The following ZMAT4 variants were observed in gnomAD, a reference collection of about 807,000 sequenced individuals.
ZMAT4 encodes the protein zinc finger matrin-type protein 4.
In ZMAT4, 17 loss-of-function variants were observed where a neutral mutation model predicts 28.7. The observed-to-expected ratio is 0.59, with a 90% confidence interval of 0.41 to 0.89. ZMAT4 has a LOEUF of 0.89. Ranked by LOEUF, ZMAT4 falls within the 40% of genes least tolerant of loss-of-function variation. The pLI is 0.00. For missense variants in ZMAT4, 240 were observed against 283.8 expected (o/e 0.85, Z 1.11); for synonymous variants, 117 against 109.2 (o/e 1.07, Z -0.44).
intron 3 of ZMAT4, among the ~76,000 whole-genome samples, chr8:40,722,854 A>T (rs1446229394): frequency 2.0e-5 from 3 of 152,144 alleles, no homozygotes; most frequent in Non-Finnish European, 4.4e-5. Flanking sequence ...TCCACCTGTG[A>T]GCGTCCACAT....
intron 2 of ZMAT4, among the ~76,000 whole-genome samples, chr8:40,783,413 C>A (rs1315952755): frequency 6.6e-6 from 1 of 152,116 alleles, no homozygotes; most frequent in Non-Finnish European, 1.5e-5. Flanking sequence ...GGAGAATAGG[C>A]ACAGACTTTG....
chr8:40,880,470 T>C (rs778301752), intron 1 of ZMAT4, among the ~76,000 whole-genome samples: 1 of 152,252 alleles, frequency 6.6e-6, no homozygotes, highest in Non-Finnish European at 1.5e-5. Context: ...CTGAGCAATG[T>C]CATCTTTAAC....
chr8:40,853,348 A>G (rs1418543191), intron 1 of ZMAT4, among the ~76,000 whole-genome samples: 1 of 152,162 alleles, frequency 6.6e-6, no homozygotes, highest in Non-Finnish European at 1.5e-5. Context: ...TGAGGTCAGG[A>G]GTTCGAGACC....
chr8:40,809,309 A>C (rs1815224509), intron 2 of ZMAT4, among the ~76,000 whole-genome samples: 1 of 152,100 alleles, frequency 6.6e-6, no homozygotes, highest in South Asian at 2.1e-4. Flanking sequence ...ATCAACAGAC[A>C]CTGCTGACTA....
intron 3 of ZMAT4, among the ~76,000 whole-genome samples, chr8:40,762,032 C>T (rs1396094282): frequency 6.6e-6 from 1 of 152,192 alleles, no homozygotes; most frequent in Non-Finnish European, 1.5e-5. Flanking sequence ...GCCAAACACA[C>T]AGCACTTGTT....
chr8:40,834,304 C>A (rs1487083632), intron 1 of ZMAT4, among the ~76,000 whole-genome samples: 1 of 152,036 alleles, frequency 6.6e-6, no homozygotes, highest in Non-Finnish European at 1.5e-5. Flanking sequence ...TTCTTTGCCA[C>A]CTCTCCCCTC....
At chr8:40,757,125 G>A (rs531434818) in intron 3 of ZMAT4, among the ~76,000 whole-genome samples, 2 of 152,142 alleles carry the variant, frequency 1.3e-5, no homozygotes, top group Admixed American at 6.5e-5. Flanking sequence ...CAAACAGACC[G>A]TGAGAAGGAC....
At chr8:40,837,768 T>C (rs778095096) in intron 1 of ZMAT4, among the ~76,000 whole-genome samples, 1 of 152,118 alleles carries the variant, frequency 6.6e-6, no homozygotes, top group Non-Finnish European at 1.5e-5. Flanking sequence ...AAGCAACTCG[T>C]GGGAAAGCAG....
intron 4 of ZMAT4, among the ~76,000 whole-genome samples, chr8:40,688,306 A>G (rs1414713483): frequency 1.3e-5 from 2 of 152,014 alleles, no homozygotes; most frequent in Non-Finnish European, 2.9e-5. Flanking sequence ...AAATACAAAA[A>G]TTAGCTGAGT....
chr8:40,675,831 AAT>A (rs1282499506), intron 4 of ZMAT4, among the ~76,000 whole-genome samples: 2 of 148,972 alleles, frequency 1.3e-5, no homozygotes, highest in Admixed American at 1.3e-4. Flanking sequence ...CTGAAATAAC[AAT>A]GTTTTTTTAA....
intron 5 of ZMAT4, among the ~76,000 whole-genome samples, chr8:40,614,602 G>A (rs1462759736): frequency 6.6e-6 from 1 of 152,078 alleles, no homozygotes; most frequent in East Asian, 1.9e-4. Flanking sequence ...TATGAATCTG[G>A]GTGCTCCTGT....
At chr8:40,769,952 A>C (rs142578595) in intron 2 of ZMAT4, among the ~76,000 whole-genome samples, 1 of 152,146 alleles carries the variant, frequency 6.6e-6, no homozygotes, top group African/African-American at 2.4e-5. Context: ...TGAAGCCATT[A>C]GTGATGTGAG....
intron 6 of ZMAT4, among the ~76,000 whole-genome samples, chr8:40,565,235 G>A (rs1189504046): frequency 2.0e-5 from 3 of 152,114 alleles, no homozygotes; most frequent in Non-Finnish European, 2.9e-5. Flanking sequence ...TCATATATAA[G>A]TGATGAGGGC....
chr8:40,707,167 A>G (rs1054963122), intron 3 of ZMAT4, among the ~76,000 whole-genome samples: 12 of 151,770 alleles, frequency 7.9e-5, no homozygotes, highest in African/African-American at 2.9e-4. Flanking sequence ...ATCCCACCAC[A>G]AAGACAGCTG....
Position 40,885,910 on chromosome 8 carries a change from C to G in ZMAT4, c.-5+11773G>C, listed in dbSNP as rs147192054. 5.7e-4 allele frequency among the ~76,000 whole-genome samples: 87 copies of G among 152,304 alleles called. 1 individual carries two copies. The East Asian group carries it at 0.016, about 28-fold the overall frequency. Reference sequence around the variant, plus strand: ...CGTTTCTCCCTTGCACTCATTGGCCCTTCCACAGGTTTGCTTATGTGTTTG... The same window carrying G: ...CGTTTCTCCCTTGCACTCATTGGCCGTTCCACAGGTTTGCTTATGTGTTTG... On this transcript the variant is annotated intron_variant, in intron 1 of 6. Transcript: ENST00000297737.
intron 6 of ZMAT4, among the ~76,000 whole-genome samples, chr8:40,552,333 C>T (rs1803391558): frequency 6.6e-6 from 1 of 152,150 alleles, no homozygotes; most frequent in South Asian, 2.1e-4. Context: ...TCACAGTTAG[C>T]CCTCCCTAAA....
At chr8:40,547,964 G>A (rs993234517) in intron 6 of ZMAT4, among the ~76,000 whole-genome samples, 7 of 152,128 alleles carry the variant, frequency 4.6e-5, no homozygotes, top group African/African-American at 9.7e-5. Context: ...GATCTGGGAC[G>A]GCCTCACTGG....
At chr8:40,666,248 T>C (rs1197081591) in intron 5 of ZMAT4, among the ~76,000 whole-genome samples, 1 of 152,150 alleles carries the variant, frequency 6.6e-6, no homozygotes, top group Admixed American at 6.5e-5. Context: ...ACTCAATAAC[T>C]TCCTTTGTTT....
At chr8:40,598,900 C>A (rs1354227256) in intron 5 of ZMAT4, among the ~76,000 whole-genome samples, 1 of 152,076 alleles carries the variant, frequency 6.6e-6, no homozygotes, top group Admixed American at 6.5e-5. Context: ...CGAATGTCTG[C>A]TATTTAATGA....
Sources: allele counts gnomAD v4.1 joint callset (sites outside exome capture counted in the v4.1 genomes callset), GRCh38; gene constraint gnomAD v4.1.1; transcripts MANE v1.5; gene names NCBI Gene and HGNC (gene_info 2026-07-23, HGNC 2026-07-21).